The following ENOX1 variants were observed in gnomAD, a reference collection of about 807,000 sequenced individuals.
ENOX1 encodes the protein candidate growth-related and time keeping constitutive hydroquinone (NADH) oxidase.
Under a neutral mutation model 82.5 loss-of-function variants are expected in ENOX1, and 42 were observed. The ratio of observed to expected loss-of-function variants is 0.51; its 90% CI spans 0.40 to 0.66. ENOX1 has a LOEUF of 0.66. ENOX1 is among the 30% of genes least tolerant of loss of function. The pLI is 0.00. For synonymous variants in ENOX1, 271 were observed against 282.2 expected (o/e 0.96, Z 0.40); for missense variants, 608 against 811.6 (o/e 0.75, Z 3.05).
chr13:43,218,856 T>A (rs1593392472), intron 16 of ENOX1, among the ~76,000 whole-genome samples: 1 of 152,328 alleles, frequency 6.6e-6, no homozygotes, highest in Non-Finnish European at 1.5e-5. Flanking sequence ...GTTTTCTCCC[T>A]ATGGCCAAAG....
chr13:43,643,445 T>C (rs1215280398), intron 2 of ENOX1, among the ~76,000 whole-genome samples: 1 of 152,184 alleles, frequency 6.6e-6, no homozygotes, highest in East Asian at 1.9e-4. Context: ...ATTTGATATA[T>C]CTTCCCAATT....
chr13:43,324,332 A>C (rs1345631384), intron 10 of ENOX1, among the ~76,000 whole-genome samples: 1 of 152,206 alleles, frequency 6.6e-6, no homozygotes, highest in Non-Finnish European at 1.5e-5. Flanking sequence ...TCTTGTGGGA[A>C]AGGGTGGTGG....
chr13:43,243,254 C>G (rs2042927829), intron 14 of ENOX1, among the ~76,000 whole-genome samples: 1 of 151,850 alleles, frequency 6.6e-6, no homozygotes, highest in Non-Finnish European at 1.5e-5. Flanking sequence ...GCATCCTCTT[C>G]TAACTTTTCT....
At chr13:43,320,813 CA>C (rs1042043361) in intron 11 of ENOX1, among the ~76,000 whole-genome samples, 5 of 150,726 alleles carry the variant, frequency 3.3e-5, no homozygotes, top group Admixed American at 1.3e-4. Flanking sequence ...GCGCTTTTGA[CA>C]AAAAAAAAGT....
chr13:43,587,087 AAG>A (rs1343834588), intron 2 of ENOX1, among the ~76,000 whole-genome samples: 1 of 151,786 alleles, frequency 6.6e-6, no homozygotes, highest in African/African-American at 2.4e-5. Flanking sequence ...AAAAAAAAAA[AAG>A]AAATAGTAAA....
At chr13:43,402,830 G>A (rs2053573525) in intron 5 of ENOX1, among the ~76,000 whole-genome samples, 1 of 152,108 alleles carries the variant, frequency 6.6e-6, no homozygotes, top group South Asian at 2.1e-4. Context: ...TCTAATATGG[G>A]AATTTAATTG....
At chr13:43,279,781 A>G (rs1291524060) in intron 12 of ENOX1, among the ~76,000 whole-genome samples, 2 of 152,214 alleles carry the variant, frequency 1.3e-5, no homozygotes, top group Non-Finnish European at 2.9e-5. Context: ...TTTAAGTCAT[A>G]TGAGTGGGCA....
intron 2 of ENOX1, among the ~76,000 whole-genome samples, chr13:43,623,825 G>A (rs968657598): frequency 6.6e-6 from 1 of 152,052 alleles, no homozygotes; most frequent in Non-Finnish European, 1.5e-5. Context: ...TTAACCATTT[G>A]CCCATTGAAA....
chr13:43,263,276 G>A (rs993781516), intron 14 of ENOX1, among the ~76,000 whole-genome samples: 3 of 152,094 alleles, frequency 2.0e-5, no homozygotes, highest in Non-Finnish European at 2.9e-5. Flanking sequence ...GTGGCCACCC[G>A]CAGTGACTGG....
intron 1 of ENOX1, among the ~76,000 whole-genome samples, chr13:43,691,174 T>A (rs1229654220): frequency 6.6e-6 from 1 of 152,108 alleles, no homozygotes; most frequent in African/African-American, 2.4e-5. Flanking sequence ...CAAAACCATT[T>A]ACCAATACTG....
rs201560603 is a variant in ENOX1 at position 43,412,842 on chromosome 13, T to C, written c.70+3A>G. The C allele has an allele frequency of 1.9e-6, 3 of 1,614,090 alleles. No individual in the cohort carries two copies. The highest frequency in any genetic ancestry group is 2.2e-5 in the East Asian group (1 of 44,868). ...GTGTCCTGTGCTGGCCACTGGCATT[T>C]ACCTGCAGCCATCATCTGAGGAAGC... On this transcript the variant is annotated splice_donor_region_variant and intron_variant, in intron 4 of 16. Coordinates refer to ENST00000690772, the MANE Select transcript of ENOX1 (RefSeq NM_001347969.2).
chr13:43,307,671 T>C (rs759445460), intron 11 of ENOX1, among the ~76,000 whole-genome samples: 29 of 152,208 alleles, frequency 1.9e-4, no homozygotes, highest in Non-Finnish European at 3.8e-4. Context: ...CATTAACCTA[T>C]CGGCCTGCTC....
intron 1 of ENOX1, among the ~76,000 whole-genome samples, chr13:43,763,129 C>T (rs1372124769): frequency 6.6e-6 from 1 of 152,180 alleles, no homozygotes; most frequent in Non-Finnish European, 1.5e-5. Flanking sequence ...ATGTTTCAGG[C>T]AATTACAGTT....
intron 14 of ENOX1, among the ~76,000 whole-genome samples, chr13:43,264,102 G>A (rs1033012201): frequency 1.3e-5 from 2 of 152,154 alleles, no homozygotes; most frequent in African/African-American, 2.4e-5. Flanking sequence ...GAAACCATAC[G>A]TGTAACACCT....
At chr13:43,688,996 C>A (rs1470302510) in intron 1 of ENOX1, among the ~76,000 whole-genome samples, 1 of 152,108 alleles carries the variant, frequency 6.6e-6, no homozygotes, top group African/African-American at 2.4e-5. Context: ...CATATGATGA[C>A]AGAACTCAGG....
chr13:43,719,683 G>C (rs1399904155), intron 1 of ENOX1, among the ~76,000 whole-genome samples: 1 of 152,086 alleles, frequency 6.6e-6, no homozygotes, highest in Admixed American at 6.5e-5. Context: ...AGTGTGGACA[G>C]TCTCGGAACA....
At chr13:43,231,826 T>C (rs900790153) in intron 15 of ENOX1, among the ~76,000 whole-genome samples, 2 of 152,366 alleles carry the variant, frequency 1.3e-5, no homozygotes, top group Middle Eastern at 3.4e-3. Context: ...AGTTAATGCA[T>C]GGGATAGCAT....
Position 43,381,221 on chromosome 13 carries a change from T to C in ENOX1, c.209-19769A>G, listed in dbSNP as rs549647909. Reference sequence around the variant, plus strand: ...TATAAAGTGTATTCTGAGACCACAATAGTATTAAATTATAAAATAGTGATG... The same window carrying C: ...TATAAAGTGTATTCTGAGACCACAACAGTATTAAATTATAAAATAGTGATG... On this transcript the variant is annotated intron_variant, in intron 5 of 16. Coordinates refer to ENST00000690772, the MANE Select transcript of ENOX1 (RefSeq NM_001347969.2). Among the ~76,000 whole-genome samples, 6 of 151,774 alleles carry C rather than the reference T, an allele frequency of 4.0e-5. No individual in the cohort carries two copies. In the East Asian group the frequency reaches 1.2e-3, roughly 29 times the overall value.
At chr13:43,616,130 C>CTATAGATATATAGA (rs1566640959) in intron 2 of ENOX1, among the ~76,000 whole-genome samples, 1 of 45,688 alleles carries the variant, frequency 2.2e-5, no homozygotes, top group African/African-American at 8.7e-5. Flanking sequence ...CTATAGATAT[C>CTATAGATATATAGA]TATCTATCTA....
Sources: allele counts gnomAD v4.1 joint callset (sites outside exome capture counted in the v4.1 genomes callset), GRCh38; gene constraint gnomAD v4.1.1; transcripts MANE v1.5; gene names NCBI Gene and HGNC (gene_info 2026-07-23, HGNC 2026-07-21).